Variants in ADCY2 observed in about 807,000 individuals in gnomAD.
ADCY2 encodes the protein adenylate cyclase 2.
A neutral mutation model predicts 125.2 loss-of-function variants in ADCY2; 31 were observed. That is an observed-to-expected ratio of 0.25 (90% CI 0.19 to 0.33). The LOEUF (loss-of-function observed/expected upper bound fraction) is 0.33, where lower values mean the gene tolerates loss of function less well. Ranked by LOEUF, ADCY2 falls within the 10% of genes least tolerant of loss-of-function variation. The pLI, the probability that ADCY2 is intolerant of heterozygous loss-of-function variation, is 1.00. For synonymous variants in ADCY2, 512 were observed against 548.4 expected (o/e 0.93, Z 0.93); for missense variants, 904 against 1,418.2 (o/e 0.64, Z 5.82).
rs944840876 is a variant in ADCY2, at chr5:7,529,794, G to A, written c.570+8895G>A. Reference sequence around the variant, plus strand: ...CTGAGGTTGTGCCCTTGTGAGGGTGGCCCACATCCATGACTGATAGAGTTG... The same window carrying A: ...CTGAGGTTGTGCCCTTGTGAGGGTGACCCACATCCATGACTGATAGAGTTG... On this transcript the variant is annotated intron_variant, in intron 3 of 24. Coordinates refer to ENST00000338316, the MANE Select transcript of ADCY2 (RefSeq NM_020546.3). 9.2e-5 allele frequency among the ~76,000 whole-genome samples: 14 copies of A among 152,344 alleles called. No homozygotes were observed. In the East Asian group the frequency reaches 2.7e-3, roughly 29 times the overall value.
intron 4 of ADCY2, among the ~76,000 whole-genome samples, chr5:7,631,856 G>A (rs1579255866): frequency 6.6e-6 from 1 of 152,236 alleles, no homozygotes; most frequent in Non-Finnish European, 1.5e-5. Context: ...GTGGTGGTGA[G>A]TTATTCAAAA....
chr5:7,441,003 A>C (rs1740992987), intron 2 of ADCY2, among the ~76,000 whole-genome samples: 1 of 152,192 alleles, frequency 6.6e-6, no homozygotes, highest in Non-Finnish European at 1.5e-5. Flanking sequence ...GGAGCTGCAG[A>C]AATTGAACGT....
intron 3 of ADCY2, among the ~76,000 whole-genome samples, chr5:7,581,154 T>C (rs1213953022): frequency 1.3e-5 from 2 of 152,234 alleles, no homozygotes; most frequent in Admixed American, 6.5e-5. Flanking sequence ...GTAAAATGTT[T>C]GTAAATATTA....
Position 7,626,202 on chromosome 5 carries a change from C to T in ADCY2, c.606C>T (p.Asn202=), listed in dbSNP as rs1282519774. 1.9e-6 allele frequency: 3 copies of T among 1,613,936 alleles called. No individual in the cohort carries two copies. Among genetic ancestry groups the T allele is most frequent in the African/African-American group, 2.7e-5 (2 of 74,908 alleles). ...ATGTGATCATTTTCATCTGTGGGAA[C>T]CTGGCGGGAGCCTACCATAAGCACC... is the stretch of plus-strand genomic sequence containing the variant. ...LANVIIFICG[N]LAGAYHKHLM... Residue 202 remains asparagine (N), a synonymous_variant, in exon 4 of 25, where the codon AAC becomes AAT. Coordinates refer to ENST00000338316, the MANE Select transcript of ADCY2 (RefSeq NM_020546.3).
chr5:7,752,894 C>CT lies in ADCY2; in HGVS notation c.1957-4535dup, dbSNP rs11319936. On this transcript the variant is annotated intron_variant, in intron 15 of 24. Coordinates refer to ENST00000338316, the MANE Select transcript of ADCY2 (RefSeq NM_020546.3). ...TCATCAATTCTATGATAGGATTTTC[C>CT]TTTTTTTTTTTTTTTTTTTTCTGAG... Among the ~76,000 whole-genome samples, 101 of 94,324 alleles carry CT rather than the reference C, an allele frequency of 1.1e-3. 2 individuals carry two copies. Among genetic ancestry groups the CT allele is most frequent in the African/African-American group, 3.2e-3 (80 of 24,938 alleles). 61.9% of individuals were successfully genotyped at this position (94,324 alleles called of 152,430 possible).
At chr5:7,723,352 T>C (rs1741825033) in intron 12 of ADCY2, among the ~76,000 whole-genome samples, 1 of 152,208 alleles carries the variant, frequency 6.6e-6, no homozygotes, top group Non-Finnish European at 1.5e-5. Flanking sequence ...AATACATTAC[T>C]GACTTCTCTG....
intron 2 of ADCY2, among the ~76,000 whole-genome samples, chr5:7,504,617 CTTTT>C (rs563915228): frequency 7.2e-6 from 1 of 138,038 alleles, no homozygotes; most frequent in Non-Finnish European, 1.6e-5. Flanking sequence ...TTTTTTCTTT[CTTTT>C]TTTTTTTTTT....
At chr5:7,451,253 C>T (rs990371120) in intron 2 of ADCY2, among the ~76,000 whole-genome samples, 2 of 152,170 alleles carry the variant, frequency 1.3e-5, no homozygotes, top group Admixed American at 1.3e-4. Context: ...TTCCAGATGC[C>T]ATTAAGAATA....
At chr5:7,497,878 T>G (rs1743396196) in intron 2 of ADCY2, among the ~76,000 whole-genome samples, 1 of 152,166 alleles carries the variant, frequency 6.6e-6, no homozygotes, top group African/African-American at 2.4e-5. Flanking sequence ...ACCAGAATTA[T>G]CTAAGAAGAA....
chr5:7,556,715 G>A (rs1735517008), intron 3 of ADCY2, among the ~76,000 whole-genome samples: 1 of 152,160 alleles, frequency 6.6e-6, no homozygotes, highest in Non-Finnish European at 1.5e-5. Flanking sequence ...TACTGTCTAA[G>A]CTCCGCCTCT....
intron 2 of ADCY2, among the ~76,000 whole-genome samples, chr5:7,496,845 A>G (rs544694442): frequency 6.6e-6 from 1 of 152,342 alleles, no homozygotes; most frequent in East Asian, 1.9e-4. Flanking sequence ...TAATATATCT[A>G]GGAATATTTT....
intron 12 of ADCY2, among the ~76,000 whole-genome samples, chr5:7,719,736 T>C (rs555694309): frequency 1.3e-5 from 2 of 152,332 alleles, no homozygotes; most frequent in Admixed American, 6.5e-5. Context: ...AGGACCTTAC[T>C]CTTATGACCT....
intron 3 of ADCY2, among the ~76,000 whole-genome samples, chr5:7,607,048 A>T (rs544180248): frequency 6.6e-6 from 1 of 151,920 alleles, no homozygotes; most frequent in Non-Finnish European, 1.5e-5. Context: ...GAGCCCTTTG[A>T]TCCTGTTCTG....
chr5:7,471,185 T>C (rs960050155), intron 2 of ADCY2, among the ~76,000 whole-genome samples: 4 of 151,930 alleles, frequency 2.6e-5, no homozygotes, highest in African/African-American at 9.7e-5. Flanking sequence ...GCATACATCA[T>C]GTTGGGTATT....
At chr5:7,550,340 T>C (rs76171592) in intron 3 of ADCY2, among the ~76,000 whole-genome samples, 1 of 152,124 alleles carries the variant, frequency 6.6e-6, no homozygotes, top group African/African-American at 2.4e-5. Flanking sequence ...GGTCTAAAAA[T>C]CCCTGTCCCC....
chr5:7,591,442 C>T (rs1736847262), intron 3 of ADCY2, among the ~76,000 whole-genome samples: 1 of 152,152 alleles, frequency 6.6e-6, no homozygotes, highest in Non-Finnish European at 1.5e-5. Context: ...TGGCACCTCC[C>T]ATCCATGGGC....
At chr5:7,440,351 G>A (rs562914194) in intron 2 of ADCY2, among the ~76,000 whole-genome samples, 48 of 152,208 alleles carry the variant, frequency 3.2e-4, no homozygotes, top group African/African-American at 9.6e-4. Flanking sequence ...TACACTGCGC[G>A]CACTCAGCTT....
intron 20 of ADCY2, 24 bp downstream of exon 20, chr5:7,789,824 T>C: frequency 5.7e-6 from 1 of 176,506 alleles, no homozygotes; most frequent in Non-Finnish European, 1.1e-5. Context: ...GGCTGGGGGC[T>C]GGGGGAGGGG....
intron 8 of ADCY2, among the ~76,000 whole-genome samples, chr5:7,707,496 G>C (rs1248400477): frequency 6.6e-6 from 1 of 152,138 alleles, no homozygotes; most frequent in Admixed American, 6.5e-5. Flanking sequence ...TGCAGGTTTC[G>C]GTGAGTGCAG....
Sources: gnomAD v4.1 joint callset for allele counts (sites outside exome capture counted in the v4.1 genomes callset) on GRCh38, gnomAD v4.1.1 for gene constraint, MANE v1.5 for transcripts, NCBI Gene and HGNC (gene_info 2026-07-23, HGNC 2026-07-21) for gene names.